The following ACCSL variants were observed in gnomAD, a reference collection of about 807,000 sequenced individuals.
The protein encoded by ACCSL is probable inactive 1-aminocyclopropane-1-carboxylate synthase-like protein 2.
Under a neutral mutation model 61.7 loss-of-function variants are expected in ACCSL, and 55 were observed. The ratio of observed to expected loss-of-function variants is 0.89; its 90% CI spans 0.72 to 1.12. ACCSL has a LOEUF of 1.12. ACCSL is among the 50% of genes most tolerant of loss of function. The pLI is 0.00. For missense variants in ACCSL, 632 were observed against 698.0 expected (o/e 0.91, Z 1.07); for synonymous variants, 258 against 264.3 (o/e 0.98, Z 0.23).
the ACCSL span, among the ~76,000 whole-genome samples, chr11:43,953,718 A>G: frequency 6.6e-6 from 1 of 152,110 alleles, no homozygotes; most frequent in Non-Finnish European, 1.5e-5. Flanking sequence ...GTTCACCTAT[A>G]TGATGTAAAA....
chr11:44,052,918 G>T, intron 6 of ACCSL, 73 bp from the exon 7 acceptor site: 1 of 1,522,036 alleles, frequency 6.6e-7, no homozygotes, highest in Non-Finnish European at 9.1e-7. Flanking sequence ...GCAAAGGATT[G>T]CGGGGCTTAT....
At chr11:43,994,525 T>C in the ACCSL span, among the ~76,000 whole-genome samples, 1 of 152,148 alleles carries the variant, frequency 6.6e-6, no homozygotes, top group Non-Finnish European at 1.5e-5. Context: ...TATGTGTGTG[T>C]GTGTGTCTGT....
the ACCSL span, among the ~76,000 whole-genome samples, chr11:43,987,352 TC>T: frequency 6.6e-6 from 1 of 152,116 alleles, no homozygotes. Context: ...AGTGGGAGTG[TC>T]TGGACCAGAT....
chr11:44,030,165 A>G, the ACCSL span, among the ~76,000 whole-genome samples: 1 of 137,086 alleles, frequency 7.3e-6, no homozygotes, highest in Non-Finnish European at 1.5e-5. Flanking sequence ...ATCAATGTCT[A>G]CTTGTCTCTC....
chr11:44,014,152 C>T, the ACCSL span, among the ~76,000 whole-genome samples: 1,398 of 152,296 alleles, frequency 9.2e-3, 23 homozygotes, highest in African/African-American at 0.032. Context: ...ATCCCCACAC[C>T]GCATCTTACA....
chr11:44,023,362 T>C, the ACCSL span, among the ~76,000 whole-genome samples: 61 of 152,320 alleles, frequency 4.0e-4, no homozygotes, highest in African/African-American at 1.3e-3. Flanking sequence ...CTAGATCTTC[T>C]ATTTCTTCTT....
the ACCSL span, among the ~76,000 whole-genome samples, chr11:43,998,950 G>A: frequency 6.6e-6 from 1 of 151,958 alleles, no homozygotes; most frequent in Non-Finnish European, 1.5e-5. Context: ...TTCAGAGATG[G>A]GGTCTTACTT....
At chr11:44,027,878 A>G in the ACCSL span, among the ~76,000 whole-genome samples, 6 of 152,174 alleles carry the variant, frequency 3.9e-5, no homozygotes, top group African/African-American at 1.4e-4. Context: ...GAGTCAATCG[A>G]TCTAAGCTGG....
At chr11:43,970,005 C>A in the ACCSL span, among the ~76,000 whole-genome samples, 2 of 151,596 alleles carry the variant, frequency 1.3e-5, no homozygotes, top group Non-Finnish European at 1.5e-5. Context: ...TTCTTGGTAG[C>A]TTTTAATTTT....
At chr11:43,946,887 C>T in the ACCSL span, among the ~76,000 whole-genome samples, 2 of 152,258 alleles carry the variant, frequency 1.3e-5, no homozygotes, top group African/African-American at 4.8e-5. Flanking sequence ...AGCCATGGCC[C>T]ATGGGCTACA....
At chr11:44,017,578 C>T in the ACCSL span, among the ~76,000 whole-genome samples, 2 of 152,150 alleles carry the variant, frequency 1.3e-5, no homozygotes, top group African/African-American at 2.4e-5. Context: ...CTGTTCATTT[C>T]CTGAATGGCT....
At chr11:44,028,576 A>G in the ACCSL span, among the ~76,000 whole-genome samples, 1 of 152,226 alleles carries the variant, frequency 6.6e-6, no homozygotes, top group African/African-American at 2.4e-5. Flanking sequence ...GTCTGCCAGC[A>G]TCCTCTAGTC....
chr11:43,974,249 G>T, the ACCSL span, among the ~76,000 whole-genome samples: 1 of 152,188 alleles, frequency 6.6e-6, no homozygotes, highest in African/African-American at 2.4e-5. Flanking sequence ...CACAGTGTTG[G>T]CAGGATTGGT....
the ACCSL span, among the ~76,000 whole-genome samples, chr11:43,986,929 A>T: frequency 1.3e-5 from 2 of 152,192 alleles, no homozygotes; most frequent in Non-Finnish European, 2.9e-5. Flanking sequence ...ATCCCAGAAG[A>T]GGTGAAAGCA....
upstream of ACCSL, among the ~76,000 whole-genome samples, chr11:44,047,675 C>T (rs1273746506): frequency 2.6e-5 from 4 of 151,984 alleles, no homozygotes; most frequent in Non-Finnish European, 4.4e-5. Flanking sequence ...ACCCTTTTTT[C>T]CTATTTAACC....
chr11:44,050,012 T>C, intron 1 of ACCSL, 50 bp from the exon 2 acceptor site: 1 of 1,612,722 alleles, frequency 6.2e-7, no homozygotes, highest in Non-Finnish European at 8.5e-7. Flanking sequence ...GGGATCTATG[T>C]AGGGTGGAGC....
chr11:44,056,168 T>G lies in ACCSL; in HGVS notation c.1186-17T>G. On this transcript the variant is annotated splice_polypyrimidine_tract_variant and intron_variant, in intron 10 of 13. Transcript: ENST00000378832. ...CAGACAAAACACTTGTTCCTGTTCC[T>G]GCTTTTCTTCCTCTAGGATTTTGGC... 1 of 1,614,206 alleles carries G rather than the reference T, an allele frequency of 6.2e-7. No homozygotes were observed. Among genetic ancestry groups the G allele is most frequent in the South Asian group, 1.1e-5 (1 of 91,078 alleles).
rs779808371 is a variant in ACCSL, at chr11:44,053,418, C to G, written c.961C>G (p.Arg321Gly). 5 of 1,613,952 alleles carry G rather than the reference C, an allele frequency of 3.1e-6. No homozygotes were observed. The highest frequency in any genetic ancestry group is 1.3e-5 in the African/African-American group (1 of 74,896). ...LEARLEGKKV[R>G]GLVLINPQNP... The stretch of plus-strand genomic sequence containing the variant: ...GGGTTTTTCTTAGGGGAAAAAGGTC[C>G]GAGGCCTTGTGCTAATCAACCCTCA... The change falls in exon 8 of 14, where the codon CGA becomes GGA. Residue 321 changes from arginine (R) to glycine (G), a missense_variant. Arg to Gly is a moderately radical substitution (Grantham distance 125). Transcript: ENST00000378832.
At chr11:44,004,196 G>A in the ACCSL span, among the ~76,000 whole-genome samples, 1 of 151,962 alleles carries the variant, frequency 6.6e-6, no homozygotes, top group Non-Finnish European at 1.5e-5. Flanking sequence ...GGTGAAGGGG[G>A]GGGATGTGTC....
Sources: allele counts gnomAD v4.1 joint callset (sites outside exome capture counted in the v4.1 genomes callset), GRCh38; gene constraint gnomAD v4.1.1; transcripts MANE v1.5; gene names NCBI Gene and HGNC (gene_info 2026-07-23, HGNC 2026-07-21).